Variants in PPCS observed in about 807,000 individuals in gnomAD.
The protein encoded by PPCS is phosphopantothenoylcysteine synthetase, also known as phosphopantothenate--cysteine ligase.
In PPCS, 17 loss-of-function variants were observed where a neutral mutation model predicts 24.6. That is an observed-to-expected ratio of 0.69 (90% CI 0.47 to 1.04). The LOEUF (loss-of-function observed/expected upper bound fraction) is 1.04, where lower values mean the gene tolerates loss of function less well. PPCS is among the 50% of genes least tolerant of loss of function. PPCS has a pLI of 0.00. For missense variants in PPCS, 360 were observed against 402.8 expected (o/e 0.89, Z 0.91); for synonymous variants, 190 against 168.3 (o/e 1.13, Z -1.00).
chr1:42,469,319 CTG>C (rs1356197200), intron 2 of PPCS, among the ~76,000 whole-genome samples: 3 of 152,308 alleles, frequency 2.0e-5, no homozygotes, highest in East Asian at 3.9e-4. Flanking sequence ...GAGTTTGAAA[CTG>C]TAGTGAGCTA....
chr1:42,460,998 TG>T lies in PPCS; in HGVS notation c.*1075del, dbSNP rs1300271534. Reference sequence around the variant, plus strand: ...ATACTTCTCTTGCTGTCCTACGTTTTGGGTTTGGAGTGCACAAGTAGCATAG... The same window carrying T: ...ATACTTCTCTTGCTGTCCTACGTTTTGGTTTGGAGTGCACAAGTAGCATAG... On this transcript the variant is annotated 3_prime_UTR_variant, in exon 3 of 3. Coordinates refer to ENST00000372561, the MANE Select transcript of PPCS (RefSeq NM_024664.4). Among the ~76,000 whole-genome samples, 1 of 152,256 alleles carries T rather than the reference TG, an allele frequency of 6.6e-6. No individual in the cohort carries two copies. Among genetic ancestry groups the T allele is most frequent in the Admixed American group, 6.5e-5 (1 of 15,290 alleles).
chr1:42,456,647 G>A lies in PPCS; in HGVS notation c.82G>A (p.Ala28Thr). Reference sequence around the variant, plus strand: ...GGCTGAGGTTATGGCTCGCTTCGCGGCCAGGCTGGGCGCGCAGGGCCGGCG... The same window carrying A: ...GGCTGAGGTTATGGCTCGCTTCGCGACCAGGCTGGGCGCGCAGGGCCGGCG... ...RWAEVMARFA[A>T]RLGAQGRRVV... is the part of the protein sequence containing the mutation. Residue 28 changes from alanine to threonine, a missense_variant, in exon 1 of 3, where the codon GCC becomes ACC. Around this residue, in one of 2 missense-constraint regions of PPCS, gnomAD observed 244 missense variants for 234.7 expected, o/e 1.04. Transcript: ENST00000372561. The A allele has an allele frequency of 6.3e-7, 1 of 1,586,530 alleles. No individual in the cohort carries two copies. The highest frequency in any genetic ancestry group is 8.6e-7 in the Non-Finnish European group (1 of 1,169,496).
At chr1:42,462,300 A>G (rs1643433555), downstream of PPCS, among the ~76,000 whole-genome samples, 1 of 152,204 alleles carries the variant, frequency 6.6e-6, no homozygotes, top group South Asian at 2.1e-4. Context: ...GAGGGTAACT[A>G]AGAACCTGAT....
chr1:42,471,267 T>G (rs1481477920), intron 2 of PPCS, among the ~76,000 whole-genome samples: 1 of 152,100 alleles, frequency 6.6e-6, no homozygotes, highest in East Asian at 1.9e-4. Context: ...CCTTTTCCTT[T>G]TAACATCCTC....
chr1:42,468,349 C>T (rs140818706), intron 2 of PPCS, among the ~76,000 whole-genome samples: 6 of 152,232 alleles, frequency 3.9e-5, no homozygotes, highest in Non-Finnish European at 7.4e-5. Context: ...GATAGCTGCT[C>T]AAGCTTCAGC....
Position 42,459,364 on chromosome 1 carries a change from A to G in PPCS, c.613-239A>G, listed in dbSNP as rs555170624. On this transcript the variant is annotated intron_variant, in intron 2 of 2. Coordinates refer to ENST00000372561, the MANE Select transcript of PPCS (RefSeq NM_024664.4). ...TTTTTTGTAGAGACATGGTTTTGCC[A>G]TGTTGCCCAGGCTGGTCTTGAACTG... The G allele has an allele frequency of 1.0e-5, 5 of 494,176 alleles. No homozygotes were observed. In the South Asian group the frequency reaches 1.2e-4, roughly 12 times the overall value. 30.6% of individuals were successfully genotyped at this position (494,176 alleles called of 1,614,324 possible). A position where few individuals can be genotyped will look rare whatever the true frequency, so the allele number is the denominator to read the frequency against.
At chr1:42,457,125 A>G in intron 1 of PPCS, 52 bp downstream of exon 1, 9 of 1,576,856 alleles carry the variant, frequency 5.7e-6, no homozygotes, top group Non-Finnish European at 7.7e-6. Context: ...CTTTCTTTCC[A>G]GCCACTTATC....
Position 42,456,860 on chromosome 1 carries a change from C to G in PPCS, c.295C>G (p.Gln99Glu). The G allele has an allele frequency of 6.2e-7, 1 of 1,613,514 alleles. No individual in the cohort carries two copies. ...AFPYAHRFPP[Q>E]TWLSALRPSG... ...CCCCTATGCCCACCGCTTCCCACCC[C>G]AGACTTGGCTGTCCGCTCTGCGGCC... The change falls in exon 1 of 3, where the codon CAG becomes GAG. Residue 99 changes from glutamine (Q) to glutamate (E), a missense_variant. By Grantham distance (29) the Gln-to-Glu change is conservative. This residue lies in a region of PPCS where 244 missense variants were observed against 234.7 expected (regional missense o/e 1.04). Coordinates refer to ENST00000372561, the MANE Select transcript of PPCS (RefSeq NM_024664.4).
downstream of PPCS, chr1:42,473,405 A>G (rs763944819): frequency 3.1e-6 from 2 of 646,606 alleles, no homozygotes; most frequent in Non-Finnish European, 4.4e-6. Context: ...ATCACTGTAT[A>G]GTTTGAAAAG....
rs1643205800 is a variant in PPCS at position 42,456,768 on chromosome 1, C to T, written c.203C>T (p.Thr68Ile). The change falls in exon 1 of 3, where the codon ACC (threonine) becomes ATC (isoleucine). Residue 68 changes from threonine to isoleucine, a missense_variant. Physicochemically the swap from Thr to Ile is moderately conservative, Grantham distance 89. Transcript: ENST00000372561. ...TTCAGCAGCGGGCGGCGCGGTGCAA[C>T]CTCGGCCGAGGCCTTCCTAGCCGCC... ...DNFSSGRRGA[T>I]SAEAFLAAGY... is the part of the protein sequence containing the mutation. The T allele has an allele frequency of 6.2e-7, 1 of 1,612,370 alleles. No individual in the cohort carries two copies. Among genetic ancestry groups the T allele is most frequent in the African/African-American group, 1.3e-5 (1 of 74,948 alleles).
At chr1:42,471,915 A>T (rs781327050) in intron 2 of PPCS, among the ~76,000 whole-genome samples, 1 of 152,238 alleles carries the variant, frequency 6.6e-6, no homozygotes, top group Non-Finnish European at 1.5e-5. Flanking sequence ...TAGTATATTT[A>T]TGTGGACTGA....
At chr1:42,458,381 T>G (rs145862069) in intron 2 of PPCS, among the ~76,000 whole-genome samples, 43 of 152,196 alleles carry the variant, frequency 2.8e-4, no homozygotes, top group African/African-American at 9.9e-4. Flanking sequence ...TCTTAGTCAT[T>G]TATTGGGTGA....
At chr1:42,464,111 T>A (rs1643492904), downstream of PPCS, 2 of 152,254 alleles carry the variant, frequency 1.3e-5, no homozygotes, top group African/African-American at 4.8e-5. Context: ...ACCTAAGTAT[T>A]TCGCATTCTC....
intron 2 of PPCS, among the ~76,000 whole-genome samples, chr1:42,458,092 G>A (rs1317898702): frequency 6.6e-6 from 1 of 152,164 alleles, no homozygotes; most frequent in Admixed American, 6.5e-5. Context: ...GCTTTGGTAA[G>A]GCTGGAGAGC....
chr1:42,472,997 A>G (rs991963217), intron 2 of PPCS: 10 of 854,420 alleles, frequency 1.2e-5, no homozygotes, highest in Middle Eastern at 4.2e-4. Flanking sequence ...CTAGCTTTCT[A>G]TTGCTAGTAC....
At chr1:42,463,124 T>C (rs1201089552), downstream of PPCS, among the ~76,000 whole-genome samples, 1 of 152,236 alleles carries the variant, frequency 6.6e-6, no homozygotes, top group African/African-American at 2.4e-5. Flanking sequence ...TGAGTTGTAC[T>C]ATCGATACGG....
rs536121182 is a variant in PPCS, at chr1:42,460,361, TA to T, written c.*442del. On this transcript the variant is annotated 3_prime_UTR_variant, in exon 3 of 3. Transcript: ENST00000372561. The stretch of plus-strand genomic sequence containing the variant: ...ATATCTTGTTTAGGAAATGGATGTA[TA>T]AAAAAATCAAGTGCAATAAAGTGTG... 1,093 of 987,150 alleles carry T rather than the reference TA, an allele frequency of 1.1e-3. 7 individuals are homozygous for T. In the African/African-American group the frequency reaches 0.018, roughly 16 times the overall value. The allele number at this position is 987,150 out of a possible 1,614,324, so 61.1% of individuals were successfully genotyped here. A position where few individuals can be genotyped will look rare whatever the true frequency, so the allele number is the denominator to read the frequency against.
chr1:42,462,989 G>A (rs962734066), downstream of PPCS, among the ~76,000 whole-genome samples: 3 of 152,146 alleles, frequency 2.0e-5, no homozygotes, highest in African/African-American at 7.2e-5. Context: ...AGTAGGCAGG[G>A]GCTCCAGCTG....
In PPCS at chr1:42,456,840, A is replaced by T; in HGVS notation, c.275A>T (p.Tyr92Phe). 1 of 1,613,326 alleles carries T rather than the reference A, an allele frequency of 6.2e-7. No individual in the cohort carries two copies. Among genetic ancestry groups the T allele is most frequent in the Non-Finnish European group, 8.5e-7 (1 of 1,179,990 alleles). ...TATCGCGCTCGCTCTGCCTTCCCCT[A>T]TGCCCACCGCTTCCCACCCCAGACT... ...FLYRARSAFP[Y>F]AHRFPPQTWL... Residue 92 changes from tyrosine (Y) to phenylalanine (F), a missense_variant, in exon 1 of 3, where the codon TAT becomes TTT. Tyr to Phe is a conservative substitution (Grantham distance 22, BLOSUM62 3). Around this residue, in one of 2 missense-constraint regions of PPCS, gnomAD observed 244 missense variants for 234.7 expected, o/e 1.04. Coordinates refer to ENST00000372561, the MANE Select transcript of PPCS (RefSeq NM_024664.4).
Sources: allele counts gnomAD v4.1 joint callset (sites outside exome capture counted in the v4.1 genomes callset), GRCh38; gene constraint gnomAD v4.1.1; regional missense constraint gnomAD v4.1.1; transcripts MANE v1.5; gene names NCBI Gene and HGNC (gene_info 2026-07-23, HGNC 2026-07-21).